The following MAST2 variants were observed in gnomAD, a reference collection of about 807,000 sequenced individuals.
MAST2 encodes the protein microtubule associated serine/threonine kinase 2.
Under a neutral mutation model 147.4 loss-of-function variants are expected in MAST2, and 70 were observed. That is an observed-to-expected ratio of 0.47 (90% CI 0.39 to 0.58). The LOEUF is 0.58. Ranked by LOEUF, MAST2 falls within the 20% of genes least tolerant of loss-of-function variation. MAST2 has a pLI of 0.00. For missense variants in MAST2, 2,080 were observed against 2,302.3 expected, an observed-to-expected ratio of 0.90 and a Z score of 1.98; for synonymous variants, 869 against 896.8, an observed-to-expected ratio of 0.97 and a Z score of 0.55.
intron 4 of MAST2, among the ~76,000 whole-genome samples, chr1:45,899,860 T>A (rs12120067): frequency 0.096 from 14,529 of 151,332 alleles, 875 homozygotes; most frequent in Middle Eastern, 0.14. Flanking sequence ...AAAAAAAAAT[T>A]TTTTTTTTTA....
At chr1:45,947,390 A>C (rs895324959) in intron 4 of MAST2, among the ~76,000 whole-genome samples, 4 of 152,096 alleles carry the variant, frequency 2.6e-5, no homozygotes, top group Admixed American at 6.5e-5. Flanking sequence ...CCACATTCAA[A>C]GCTGTCCTGG....
At position 46,012,033 on chromosome 1, in the gene MAST2, CT is replaced by C. The variant is rs1645735177; in HGVS notation, c.1188+1099del. Among the ~76,000 whole-genome samples, 5 of 152,074 alleles carry C rather than the reference CT, an allele frequency of 3.3e-5. 1 individual carries two copies. The South Asian group carries it at 1.0e-3, about 32-fold the overall frequency. On this transcript the variant is annotated intron_variant, in intron 10 of 28. Transcript: ENST00000361297. ...AAAGTAGTTCCTTCTACAAAAATAC[CT>C]TTTTGTGATTTCAAAAGAAATACTT...
intron 16 of MAST2, 69 bp from the exon 17 acceptor site, chr1:46,027,662 C>CCGT: frequency 2.6e-6 from 4 of 1,523,422 alleles, no homozygotes; most frequent in South Asian, 1.2e-5. Context: ...GGAAACTGGG[C>CCGT]ATATACTAAA....
intron 4 of MAST2, among the ~76,000 whole-genome samples, chr1:45,909,077 A>G (rs1312924660): frequency 6.6e-6 from 1 of 152,200 alleles, no homozygotes; most frequent in Admixed American, 6.5e-5. Context: ...CACTGAAGAC[A>G]AAGCGTGTAC....
At position 46,023,359 on chromosome 1, in the gene MAST2, G is replaced by T. The variant is rs775212988; in HGVS notation, c.1571+41G>T. The T allele has an allele frequency of 3.4e-5, 53 of 1,571,244 alleles. No individual in the cohort carries two copies. In the African/African-American group the frequency reaches 7.0e-4, roughly 21 times the overall value. On this transcript the variant is annotated intron_variant, in intron 14 of 28. Transcript: ENST00000361297. The surrounding 1 kb of genome is among the most constrained non-coding windows in gnomAD (Gnocchi z 4.9). The stretch of plus-strand genomic sequence containing the variant: ...AGGGTGTGGCCAGGACTGAAGCCGG[G>T]TCAGCCTTTGATCTCTTCCATGTGA...
chr1:46,030,832 T>C (rs1646630196), intron 22 of MAST2, 71 bp downstream of exon 22: 1 of 1,487,340 alleles, frequency 6.7e-7, no homozygotes, highest in Admixed American at 2.5e-5. Flanking sequence ...ATGGGAGAGA[T>C]TCCGATGCCA....
intron 3 of MAST2, among the ~76,000 whole-genome samples, chr1:45,848,049 A>G (rs918445924): frequency 6.6e-6 from 1 of 152,242 alleles, no homozygotes; most frequent in Non-Finnish European, 1.5e-5. Context: ...TATTTTCTCC[A>G]GAACATTGAG....
chr1:45,866,053 A>G (rs1451966224), intron 3 of MAST2, among the ~76,000 whole-genome samples: 1 of 152,240 alleles, frequency 6.6e-6, no homozygotes, highest in African/African-American at 2.4e-5. Context: ...GGATTTTAAA[A>G]TTATCATGAA....
chr1:45,974,641 T>A (rs1003240118), intron 5 of MAST2, among the ~76,000 whole-genome samples: 3 of 152,168 alleles, frequency 2.0e-5, no homozygotes, highest in Non-Finnish European at 2.9e-5. Context: ...GTGAGGTGAT[T>A]AGCTGAGCCT....
intron 4 of MAST2, among the ~76,000 whole-genome samples, chr1:45,918,120 G>A (rs574815098): frequency 3.3e-5 from 5 of 152,260 alleles, no homozygotes; most frequent in South Asian, 4.2e-4. Flanking sequence ...GTAACATAAC[G>A]GATAGACAGT....
intron 9 of MAST2, among the ~76,000 whole-genome samples, chr1:46,009,212 G>A (rs1310244552): frequency 2.0e-5 from 3 of 151,930 alleles, no homozygotes; most frequent in Non-Finnish European, 4.4e-5. Context: ...GCGCCACCAC[G>A]CCCGGCTAAT....
At chr1:45,988,221 C>T (rs1020028282) in intron 5 of MAST2, among the ~76,000 whole-genome samples, 3 of 151,994 alleles carry the variant, frequency 2.0e-5, no homozygotes, top group Non-Finnish European at 2.9e-5. Context: ...GCTATGTTGC[C>T]CAGGATGGTC....
intron 4 of MAST2, among the ~76,000 whole-genome samples, chr1:45,922,050 C>T (rs1287036271): frequency 6.6e-6 from 1 of 152,168 alleles, no homozygotes; most frequent in East Asian, 1.9e-4. Flanking sequence ...GTGTTCAGCT[C>T]TCAGCAGAGA....
rs1457641393 is a variant in MAST2, at chr1:46,030,609, G to A, written c.2556G>A (p.Val852=). The A allele has an allele frequency of 3.7e-6, 6 of 1,608,290 alleles. No homozygotes were observed. The East Asian group carries it at 1.1e-4, about 30-fold the overall frequency. ...FSSCSPRFNK[V]YSSMERLSLL... The stretch of plus-strand genomic sequence containing the variant: ...CAGCGCATCCCCTGTGCCCACAGGT[G>A]TACAGCAGCATGGAGCGGCTCTCAC... Residue 852 remains valine (V), a splice_region_variant and synonymous_variant, in exon 22 of 29, where the codon GTG becomes GTA. Coordinates refer to ENST00000361297, the MANE Select transcript of MAST2 (RefSeq NM_015112.3).
At chr1:46,001,770 G>C (rs1475322340) in intron 6 of MAST2, among the ~76,000 whole-genome samples, 1 of 152,186 alleles carries the variant, frequency 6.6e-6, no homozygotes, top group Non-Finnish European at 1.5e-5. Flanking sequence ...GCCCCAGCAA[G>C]ATTTATTCCT....
At position 45,975,184 on chromosome 1, in the gene MAST2, T is replaced by A. The variant is rs533221465; in HGVS notation, c.592+15707T>A. Reference sequence around the variant, plus strand: ...GTCAAGTTGCAACCTGTTCAGGGTATGTTAAGGGCTGTACTAAATGTGTGT... The same window carrying A: ...GTCAAGTTGCAACCTGTTCAGGGTAAGTTAAGGGCTGTACTAAATGTGTGT... On this transcript the variant is annotated intron_variant, in intron 5 of 28. Coordinates refer to ENST00000361297, the MANE Select transcript of MAST2 (RefSeq NM_015112.3). Among the ~76,000 whole-genome samples the A allele has an allele frequency of 4.6e-5, 7 of 152,236 alleles. No homozygotes were observed. In the East Asian group the frequency reaches 1.2e-3, roughly 25 times the overall value.
At chr1:45,888,956 C>A (rs1432451904) in intron 4 of MAST2, among the ~76,000 whole-genome samples, 1 of 151,694 alleles carries the variant, frequency 6.6e-6, no homozygotes, top group African/African-American at 2.4e-5. Context: ...GATTACAGGC[C>A]TGAGCCACTG....
At chr1:45,924,467 A>T (rs1654034626) in intron 4 of MAST2, among the ~76,000 whole-genome samples, 1 of 152,166 alleles carries the variant, frequency 6.6e-6, no homozygotes, top group African/African-American at 2.4e-5. Context: ...TTTGACTCTG[A>T]GTTCCAGAAG....
intron 4 of MAST2, among the ~76,000 whole-genome samples, chr1:45,889,823 C>G (rs1647414801): frequency 1.3e-5 from 2 of 151,728 alleles, no homozygotes; most frequent in African/African-American, 4.9e-5. Context: ...ATTGGTCAGG[C>G]TGGTCTCGAA....
Sources: allele counts gnomAD v4.1 joint callset (sites outside exome capture counted in the v4.1 genomes callset), GRCh38; gene constraint gnomAD v4.1.1; non-coding constraint Gnocchi (gnomAD v3.1); transcripts MANE v1.5; gene names NCBI Gene and HGNC (gene_info 2026-07-23, HGNC 2026-07-21).